ATRNL1: variants seen among roughly 807,000 people sequenced by gnomAD.
ATRNL1 encodes the protein attractin-like protein 1.
Under a neutral mutation model 182.7 loss-of-function variants are expected in ATRNL1, and 95 were observed. The observed-to-expected ratio is 0.52, with a 90% confidence interval of 0.44 to 0.62. ATRNL1 has a LOEUF of 0.62. Ranked by LOEUF, ATRNL1 falls within the 20% of genes least tolerant of loss-of-function variation. The pLI is 0.00. For synonymous variants in ATRNL1, 576 were observed against 568.3 expected, an observed-to-expected ratio of 1.01 and a Z score of -0.19; for missense variants, 1,471 against 1,679.5, an observed-to-expected ratio of 0.88 and a Z score of 2.17.
chr10:115,692,371 T>C (rs949181780), intron 26 of ATRNL1, among the ~76,000 whole-genome samples: 5 of 152,182 alleles, frequency 3.3e-5, no homozygotes, highest in Non-Finnish European at 4.4e-5. Flanking sequence ...TGTGCAGGAA[T>C]TTGAAGAATA....
At chr10:115,516,394 C>CT (rs1850638294) in intron 24 of ATRNL1, among the ~76,000 whole-genome samples, 2 of 148,226 alleles carry the variant, frequency 1.3e-5, no homozygotes, top group South Asian at 4.1e-4. Context: ...AATTATGTAC[C>CT]TAACTACTTA....
chr10:115,722,904 C>A (rs1251752335), intron 26 of ATRNL1, among the ~76,000 whole-genome samples: 1 of 152,106 alleles, frequency 6.6e-6, no homozygotes, highest in African/African-American at 2.4e-5. Flanking sequence ...GACATAAATT[C>A]TAGAACATCA....
intron 24 of ATRNL1, among the ~76,000 whole-genome samples, chr10:115,498,206 G>A (rs1849646284): frequency 6.6e-6 from 1 of 151,844 alleles, no homozygotes; most frequent in African/African-American, 2.4e-5. Flanking sequence ...TATTTTCTTT[G>A]CCTATTATTA....
At chr10:115,650,769 A>G (rs1471355589) in intron 26 of ATRNL1, among the ~76,000 whole-genome samples, 9 of 152,042 alleles carry the variant, frequency 5.9e-5, no homozygotes, top group African/African-American at 1.9e-4. Context: ...AATAAGAGAA[A>G]GAGCTTATGG....
At chr10:115,588,677 G>A (rs900622494) in intron 26 of ATRNL1, among the ~76,000 whole-genome samples, 3 of 152,164 alleles carry the variant, frequency 2.0e-5, no homozygotes, top group African/African-American at 7.2e-5. Context: ...GTTTGTGTGT[G>A]AGTGTGTCCC....
intron 8 of ATRNL1, among the ~76,000 whole-genome samples, chr10:115,194,780 TC>T (rs1554890632): frequency 6.6e-6 from 1 of 151,998 alleles, no homozygotes; most frequent in African/African-American, 2.4e-5. Flanking sequence ...CCTTCTGAAT[TC>T]CTTTGTATAA....
In ATRNL1 at chr10:115,587,818, T is replaced by C. The variant is rs375398001; in HGVS notation, c.3795+38282T>C. On this transcript the variant is annotated intron_variant, in intron 26 of 28. Transcript: ENST00000355044. ...TTCTTTTGACACTAAACTTTTAAAGTAGATGTAAAAATATCCATTTTAACT... is the reference window on the plus strand; with the variant it reads ...TTCTTTTGACACTAAACTTTTAAAGCAGATGTAAAAATATCCATTTTAACT... Among the ~76,000 whole-genome samples the C allele has an allele frequency of 2.6e-4, 39 of 151,354 alleles. 1 individual carries two copies. In the South Asian group the frequency reaches 8.0e-3, roughly 31 times the overall value.
At chr10:115,660,096 G>T (rs1399005389) in intron 26 of ATRNL1, among the ~76,000 whole-genome samples, 1 of 152,114 alleles carries the variant, frequency 6.6e-6, no homozygotes. Flanking sequence ...AGAATGGAGG[G>T]AGGGAGACTG....
chr10:115,580,839 A>G (rs969546579), intron 26 of ATRNL1, among the ~76,000 whole-genome samples: 3 of 151,948 alleles, frequency 2.0e-5, no homozygotes, highest in Non-Finnish European at 2.9e-5. Context: ...AGAGTCCTCT[A>G]TTGATTTTTT....
intron 27 of ATRNL1, among the ~76,000 whole-genome samples, chr10:115,769,190 A>G (rs1948927777): frequency 6.6e-6 from 1 of 152,164 alleles, no homozygotes; most frequent in African/African-American, 2.4e-5. Context: ...TTGTAAAAGT[A>G]ATGTATGGAG....
At chr10:115,397,310 A>C (rs1844337444) in intron 20 of ATRNL1, among the ~76,000 whole-genome samples, 1 of 152,078 alleles carries the variant, frequency 6.6e-6, no homozygotes, top group East Asian at 1.9e-4. Flanking sequence ...TAGTGATTTA[A>C]TATGCTTATG....
At chr10:115,815,298 A>C (rs1332028497) in intron 27 of ATRNL1, among the ~76,000 whole-genome samples, 1 of 152,142 alleles carries the variant, frequency 6.6e-6, no homozygotes, top group Non-Finnish European at 1.5e-5. Context: ...ATTTGAAATT[A>C]ATAGACCTAT....
At chr10:115,110,436 CT>C (rs1779074270) in intron 1 of ATRNL1, among the ~76,000 whole-genome samples, 1 of 152,180 alleles carries the variant, frequency 6.6e-6, no homozygotes. Context: ...CGAGCAACCC[CT>C]GGTCAGCAAC....
intron 14 of ATRNL1, 94 bp from the exon 15 acceptor site, chr10:115,286,122 T>C: frequency 1.6e-6 from 1 of 623,798 alleles, no homozygotes; most frequent in Non-Finnish European, 2.8e-6. Flanking sequence ...ATTTCAAAAA[T>C]AATTTAAACA....
At chr10:115,800,081 G>T (rs1024388352) in intron 27 of ATRNL1, among the ~76,000 whole-genome samples, 1 of 151,946 alleles carries the variant, frequency 6.6e-6, no homozygotes, top group Admixed American at 6.6e-5. Context: ...TTAGCTGGAC[G>T]TGGTGGTGCG....
At chr10:115,818,488 G>A (rs1197531376) in intron 27 of ATRNL1, among the ~76,000 whole-genome samples, 2 of 152,042 alleles carry the variant, frequency 1.3e-5, no homozygotes, top group Admixed American at 6.6e-5. Context: ...ATTTTAATCT[G>A]TATTCTGCTC....
At chr10:115,153,790 A>G (rs1846365508) in intron 5 of ATRNL1, among the ~76,000 whole-genome samples, 2 of 151,860 alleles carry the variant, frequency 1.3e-5, no homozygotes, top group South Asian at 2.1e-4. Flanking sequence ...TTGCTTCTCT[A>G]GTTCTTTTAA....
At chr10:115,772,897 G>A (rs1949030997) in intron 27 of ATRNL1, among the ~76,000 whole-genome samples, 1 of 152,066 alleles carries the variant, frequency 6.6e-6, no homozygotes, top group African/African-American at 2.4e-5. Flanking sequence ...GAAATTTGGG[G>A]GTGGTATAAA....
intron 27 of ATRNL1, among the ~76,000 whole-genome samples, chr10:115,766,843 C>T (rs1322306422): frequency 6.6e-6 from 1 of 152,126 alleles, no homozygotes; most frequent in Non-Finnish European, 1.5e-5. Context: ...GATTAATGAA[C>T]AAAATTTGGA....
Sources: allele counts gnomAD v4.1 joint callset (sites outside exome capture counted in the v4.1 genomes callset), GRCh38; gene constraint gnomAD v4.1.1; transcripts MANE v1.5; gene names NCBI Gene and HGNC (gene_info 2026-07-23, HGNC 2026-07-21).